Variants in SLCO5A1 observed in about 807,000 individuals in gnomAD.
The protein encoded by SLCO5A1 is organic anion transporter polypeptide-related protein 4.
SLCO5A1 carries 39 observed loss-of-function variants against 65.1 expected under a neutral mutation model. The observed-to-expected ratio is 0.60, with a 90% confidence interval of 0.46 to 0.78. The LOEUF is 0.78. SLCO5A1 is among the 30% of genes least tolerant of loss of function. The probability of loss-of-function intolerance (pLI) is 0.00; values close to 1 mark genes in which losing one functional copy is unlikely to be tolerated. For missense variants in SLCO5A1, 1,029 were observed against 1,069.4 expected (o/e 0.96, Z 0.53); for synonymous variants, 438 against 415.7 (o/e 1.05, Z -0.65).
At chr8:69,693,516 AT>A (rs925567431) in intron 6 of SLCO5A1, among the ~76,000 whole-genome samples, 1 of 152,112 alleles carries the variant, frequency 6.6e-6, no homozygotes, top group Admixed American at 6.6e-5. Flanking sequence ...TCTTCTTTGT[AT>A]TTTTTTCTTC....
chr8:69,800,823 G>T (rs4130258), intron 2 of SLCO5A1, among the ~76,000 whole-genome samples: 6,867 of 152,238 alleles, frequency 0.045, 337 homozygotes, highest in African/African-American at 0.12. Context: ...CAGAGGAAAA[G>T]GGTGTTCCCC....
chr8:69,695,354 G>A (rs1814453098), intron 6 of SLCO5A1, among the ~76,000 whole-genome samples: 1 of 152,002 alleles, frequency 6.6e-6, no homozygotes, highest in African/African-American at 2.4e-5. Context: ...AAATTAGCCG[G>A]GCATGTTGGC....
chr8:69,754,297 T>C (rs1365097854), intron 4 of SLCO5A1, among the ~76,000 whole-genome samples: 3 of 152,188 alleles, frequency 2.0e-5, no homozygotes, highest in Non-Finnish European at 2.9e-5. Flanking sequence ...AAAATGTAAC[T>C]GGAAAGAGGC....
rs1440871451 is a variant in SLCO5A1, at chr8:69,761,595, G to T, written c.1040+148C>A. ...GGGATTAGGACGTAGCTTTCTTTGG[G>T]ATGTTATTAACCTGCCTGTCACCCC... On this transcript the variant is annotated intron_variant, in intron 3 of 9. Coordinates refer to ENST00000260126, the MANE Select transcript of SLCO5A1 (RefSeq NM_030958.3). The T allele has an allele frequency of 2.0e-5, 15 of 739,428 alleles. 1 individual carries two copies. In the Admixed American group the frequency reaches 4.3e-4, roughly 21 times the overall value. 45.8% of individuals were successfully genotyped at this position (739,428 alleles called of 1,614,324 possible).
rs1821229724 is a variant in SLCO5A1, at chr8:69,832,756, G to C, written c.-83C>G. The C allele has an allele frequency of 6.8e-6, 10 of 1,473,676 alleles. No individual in the cohort carries two copies. The highest frequency in any genetic ancestry group is 9.0e-6 in the Non-Finnish European group (10 of 1,109,354). 91.3% of individuals were successfully genotyped at this position (1,473,676 alleles called of 1,614,324 possible). On this transcript the variant is annotated 5_prime_UTR_variant, in exon 2 of 10. Coordinates refer to ENST00000260126, the MANE Select transcript of SLCO5A1 (RefSeq NM_030958.3). This position sits in a 1 kb window ranked among gnomAD's most constrained non-coding sequence, Gnocchi z 4.5. ...TCCACCGGCACGAGGGGCCGAAGCCGGGCCCAGTCAGTCTTGCCCACCTGG... is the reference window on the plus strand; with the variant it reads ...TCCACCGGCACGAGGGGCCGAAGCCCGGCCCAGTCAGTCTTGCCCACCTGG...
At chr8:69,790,514 C>T (rs941430028) in intron 2 of SLCO5A1, among the ~76,000 whole-genome samples, 2 of 152,080 alleles carry the variant, frequency 1.3e-5, no homozygotes, top group Admixed American at 6.5e-5. Flanking sequence ...GTGGCACACA[C>T]GTGTAGTCCC....
At chr8:69,785,002 G>GAAAGA (rs544314363) in intron 2 of SLCO5A1, among the ~76,000 whole-genome samples, 8 of 139,990 alleles carry the variant, frequency 5.7e-5, no homozygotes, top group African/African-American at 1.9e-4. Context: ...GCGAAAGAAA[G>GAAAGA]AAAGAAAAGA....
chr8:69,825,972 G>C (rs944962613), intron 2 of SLCO5A1, among the ~76,000 whole-genome samples: 15 of 151,930 alleles, frequency 9.9e-5, no homozygotes, highest in African/African-American at 3.6e-4. Context: ...CAGAAATAAC[G>C]CTGCATATCT....
Position 69,804,382 on chromosome 8 carries a change from C to T in SLCO5A1, c.907+27385G>A, listed in dbSNP as rs904025689. Among the ~76,000 whole-genome samples, 7 of 152,140 alleles carry T rather than the reference C, an allele frequency of 4.6e-5. No homozygotes were observed. The South Asian group carries it at 1.0e-3, about 23-fold the overall frequency. On this transcript the variant is annotated intron_variant, in intron 2 of 9. Transcript: ENST00000260126. ...AGGCTGTAGTACAGTGGCACAATCT[C>T]GGCTCACTGCAACCTCCACCTTCCG...
At chr8:69,782,832 A>C (rs1818855355) in intron 2 of SLCO5A1, among the ~76,000 whole-genome samples, 1 of 152,234 alleles carries the variant, frequency 6.6e-6, no homozygotes, top group Admixed American at 6.5e-5. Context: ...TTGTTTTAAA[A>C]ATTTTTAAAG....
intron 2 of SLCO5A1, among the ~76,000 whole-genome samples, chr8:69,766,973 T>A (rs1476315244): frequency 6.6e-6 from 1 of 152,218 alleles, no homozygotes; most frequent in Non-Finnish European, 1.5e-5. Context: ...TCTTCCTCAG[T>A]GTACACCAGC....
intron 5 of SLCO5A1, among the ~76,000 whole-genome samples, chr8:69,724,335 T>C (rs1165869829): frequency 1.3e-5 from 2 of 152,188 alleles, no homozygotes; most frequent in Admixed American, 1.3e-4. Context: ...ACACAAATTG[T>C]CCCTTGCACA....
chr8:69,834,924 G>C lies in SLCO5A1; in HGVS notation c.-567C>G, dbSNP rs975395621. ...AGGGGGGCACTGAGCTACGGGAATA[G>C]TTGGGAGCCGCGTGAGGAGGCAGCC... On this transcript the variant is annotated 5_prime_UTR_variant, in exon 1 of 10. Coordinates refer to ENST00000260126, the MANE Select transcript of SLCO5A1 (RefSeq NM_030958.3). The C allele has an allele frequency of 2.0e-5, 3 of 152,722 alleles. No individual in the cohort carries two copies. Among genetic ancestry groups the C allele is most frequent in the African/African-American group, 7.2e-5 (3 of 41,572 alleles). The allele number at this position is 152,722 out of a possible 1,614,324, so 9.5% of individuals were successfully genotyped here.
At chr8:69,758,380 A>T (rs1165128318) in intron 3 of SLCO5A1, among the ~76,000 whole-genome samples, 1 of 151,856 alleles carries the variant, frequency 6.6e-6, no homozygotes, top group Non-Finnish European at 1.5e-5. Flanking sequence ...GGGTCTCACT[A>T]TGTTGCCCAG....
Position 69,831,932 on chromosome 8 carries a change from G to A in SLCO5A1, c.742C>T (p.Pro248Ser), listed in dbSNP as rs118016633. Residue 248 changes from proline (P) to serine (S), a missense_variant, in exon 2 of 10, where the codon CCT (proline) becomes TCT (serine). Transcript: ENST00000260126. ...CCCGAGTCCTTCGGACAGGCCGGAG[G>A]CTCCAAAGTGGCGGTGGAGTTGCCA... ...QGGNSTATLE[P>S]PACPKDSGGN... 7,709 of 1,599,896 alleles carry A rather than the reference G, an allele frequency of 4.8e-3. 63 individuals are homozygous for A. The highest frequency in any genetic ancestry group is 0.021 in the South Asian group (1,856 of 89,050).
rs187385473 is a variant in SLCO5A1 at position 69,754,520 on chromosome 8, T to C, written c.1258+904A>G. ...AGGTAAATTTTACCTAACACAACCTTGACTGATGAAAGTACTTGATAAATA... is the reference window on the plus strand; with the variant it reads ...AGGTAAATTTTACCTAACACAACCTCGACTGATGAAAGTACTTGATAAATA... On this transcript the variant is annotated intron_variant, in intron 4 of 9. Coordinates refer to ENST00000260126, the MANE Select transcript of SLCO5A1 (RefSeq NM_030958.3). 4.3e-4 allele frequency among the ~76,000 whole-genome samples: 66 copies of C among 152,304 alleles called. 1 individual carries two copies. The highest frequency in any genetic ancestry group is 1.4e-3 in the African/African-American group (59 of 41,572).
At chr8:69,736,626 G>A (rs1586741896) in intron 5 of SLCO5A1, among the ~76,000 whole-genome samples, 1 of 152,180 alleles carries the variant, frequency 6.6e-6, no homozygotes, top group Non-Finnish European at 1.5e-5. Flanking sequence ...GGAAAAGGCT[G>A]TAGTCTGAGT....
At chr8:69,741,736 A>C (rs1234368342) in intron 4 of SLCO5A1, among the ~76,000 whole-genome samples, 1 of 152,244 alleles carries the variant, frequency 6.6e-6, no homozygotes, top group African/African-American at 2.4e-5. Context: ...TGCATAAATC[A>C]GGAAATATCA....
intron 5 of SLCO5A1, among the ~76,000 whole-genome samples, chr8:69,722,005 G>C (rs933497969): frequency 1.3e-5 from 2 of 151,930 alleles, no homozygotes; most frequent in Admixed American, 6.6e-5. Context: ...AACCTCATCT[G>C]TACTAAAACT....
Sources: gnomAD v4.1 joint callset for allele counts (sites outside exome capture counted in the v4.1 genomes callset) on GRCh38, gnomAD v4.1.1 for gene constraint, Gnocchi (gnomAD v3.1) non-coding constraint, MANE v1.5 for transcripts, NCBI Gene and HGNC (gene_info 2026-07-23, HGNC 2026-07-21) for gene names.